Variants in PPP1R1C observed in about 807,000 individuals in gnomAD.
The protein encoded by PPP1R1C is protein phosphatase 1 regulatory subunit 1C.
PPP1R1C carries 15 observed loss-of-function variants against 17.4 expected under a neutral mutation model. The ratio of observed to expected loss-of-function variants is 0.86; its 90% CI spans 0.58 to 1.33. The LOEUF (loss-of-function observed/expected upper bound fraction) is 1.33. Among genes scored for constraint, PPP1R1C ranks in the 40% most tolerant of loss-of-function variants. PPP1R1C has a pLI of 0.00. For missense variants in PPP1R1C, 143 were observed against 130.0 expected (o/e 1.10, Z -0.48); for synonymous variants, 35 against 43.1 (o/e 0.81, Z 0.73).
chr2:182,053,214 A>C (rs185808504), intron 2 of PPP1R1C, among the ~76,000 whole-genome samples: 2 of 152,318 alleles, frequency 1.3e-5, no homozygotes, highest in East Asian at 3.9e-4. Context: ...TCCATCTTCC[A>C]TTCTGTTTGA....
chr2:182,088,540 G>A (rs929686742), intron 4 of PPP1R1C, among the ~76,000 whole-genome samples: 2 of 152,168 alleles, frequency 1.3e-5, no homozygotes, highest in Non-Finnish European at 2.9e-5. Context: ...TTTGTGGGTA[G>A]CAGTCAAGGC....
intron 4 of PPP1R1C, among the ~76,000 whole-genome samples, chr2:182,096,474 T>G (rs991568989): frequency 2.6e-5 from 4 of 152,154 alleles, no homozygotes; most frequent in Admixed American, 2.6e-4. Flanking sequence ...CCCTTAGAAA[T>G]AGATCAAATT....
At chr2:182,023,473 C>T in intron 2 of PPP1R1C, among the ~76,000 whole-genome samples, 1 of 151,892 alleles carries the variant, frequency 6.6e-6, no homozygotes, top group East Asian at 1.9e-4. Flanking sequence ...TGGTGTCACC[C>T]TTGGCAACTG....
Position 181,992,340 on chromosome 2 carries a change from G to C in PPP1R1C, c.142+4441G>C, listed in dbSNP as rs377373991. 3.7e-5 allele frequency among the ~76,000 whole-genome samples: 5 copies of C among 134,612 alleles called. No individual in the cohort carries two copies. In the East Asian group the frequency reaches 8.0e-4, roughly 22 times the overall value. 88.3% of individuals were successfully genotyped at this position (134,612 alleles called of 152,430 possible). On this transcript the variant is annotated intron_variant, in intron 2 of 4. Coordinates refer to ENST00000682840, the MANE Select transcript of PPP1R1C (RefSeq NM_001080545.3). ...CACCTTTTAAAAAATATGAATGAAT[G>C]ATTATTTTCTTTTATTCTCAATCTC...
intron 1 of PPP1R1C, among the ~76,000 whole-genome samples, chr2:181,964,540 C>T (rs1684871292): frequency 1.3e-5 from 2 of 152,226 alleles, no homozygotes; most frequent in South Asian, 4.2e-4. Context: ...TAAGGAACCT[C>T]CATACTATTC....
intron 4 of PPP1R1C, among the ~76,000 whole-genome samples, chr2:182,076,008 T>A (rs1688286695): frequency 6.6e-6 from 1 of 151,936 alleles, no homozygotes; most frequent in East Asian, 1.9e-4. Context: ...ATGCTTTTTT[T>A]AGTATATGCT....
intron 1 of PPP1R1C, among the ~76,000 whole-genome samples, chr2:181,963,722 T>C (rs2125131436): frequency 6.6e-6 from 1 of 151,490 alleles, no homozygotes; most frequent in African/African-American, 2.4e-5. Flanking sequence ...AGAGTTCCCA[T>C]GTTGAAAGTG....
At chr2:181,970,056 A>T (rs561903621) in intron 1 of PPP1R1C, among the ~76,000 whole-genome samples, 1 of 151,920 alleles carries the variant, frequency 6.6e-6, no homozygotes, top group Non-Finnish European at 1.5e-5. Flanking sequence ...AGCTATTTTG[A>T]ATTCTCTGTC....
intron 2 of PPP1R1C, among the ~76,000 whole-genome samples, chr2:181,980,790 G>A (rs1685178059): frequency 6.6e-6 from 1 of 152,196 alleles, no homozygotes; most frequent in Non-Finnish European, 1.5e-5. Flanking sequence ...TACTGAGTAT[G>A]TAACACACTA....
At chr2:182,101,792 T>C (rs910714805) in intron 4 of PPP1R1C, among the ~76,000 whole-genome samples, 4 of 152,214 alleles carry the variant, frequency 2.6e-5, no homozygotes, top group Non-Finnish European at 5.9e-5. Context: ...GCTTCTGTGC[T>C]GAGAAAAGCA....
chr2:181,994,980 GTGAACGATTCAAAGTCAAT>G, intron 2 of PPP1R1C, among the ~76,000 whole-genome samples: 1 of 152,182 alleles, frequency 6.6e-6, no homozygotes, highest in Admixed American at 6.5e-5. Context: ...TTAAATGCCT[GTGAACGATTCAAAGTCAAT>G]CCTTCAACCT....
intron 4 of PPP1R1C, among the ~76,000 whole-genome samples, chr2:182,087,161 T>C (rs1688652065): frequency 6.6e-6 from 1 of 152,260 alleles, no homozygotes; most frequent in South Asian, 2.1e-4. Flanking sequence ...TCACCTGGAC[T>C]ACTGCAGTAA....
chr2:182,123,584 T>A (rs930765670), intron 5 of PPP1R1C, among the ~76,000 whole-genome samples: 6 of 152,252 alleles, frequency 3.9e-5, no homozygotes, highest in African/African-American at 1.4e-4. Context: ...GGTTTTGATT[T>A]GCATTTCTCT....
At chr2:182,096,262 G>A (rs902513333) in intron 4 of PPP1R1C, among the ~76,000 whole-genome samples, 18 of 152,236 alleles carry the variant, frequency 1.2e-4, no homozygotes, top group African/African-American at 3.9e-4. Flanking sequence ...TTGGCTTCTG[G>A]GTACAGGGTG....
At chr2:182,024,013 G>A (rs1686514082) in intron 2 of PPP1R1C, 1 of 152,062 alleles carries the variant, frequency 6.6e-6, no homozygotes, top group African/African-American at 2.4e-5. Flanking sequence ...CTAAATTACA[G>A]AATATGGTAG....
chr2:182,112,001 T>C (rs1689452719), intron 4 of PPP1R1C, among the ~76,000 whole-genome samples: 1 of 152,168 alleles, frequency 6.6e-6, no homozygotes. Flanking sequence ...CAAATTACTA[T>C]CCATTGACTC....
intron 4 of PPP1R1C, among the ~76,000 whole-genome samples, chr2:182,112,294 A>G (rs1319878062): frequency 1.3e-5 from 2 of 152,070 alleles, no homozygotes; most frequent in Non-Finnish European, 2.9e-5. Context: ...AACTGATCTA[A>G]ATGCTATTTC....
chr2:182,094,744 G>A (rs919221051), intron 4 of PPP1R1C, among the ~76,000 whole-genome samples: 3 of 152,190 alleles, frequency 2.0e-5, no homozygotes, highest in South Asian at 2.1e-4. Flanking sequence ...CAGACCTTGC[G>A]ATGACCTTGA....
chr2:182,075,808 T>G (rs1173854716), intron 4 of PPP1R1C, among the ~76,000 whole-genome samples: 1 of 151,838 alleles, frequency 6.6e-6, no homozygotes, highest in East Asian at 1.9e-4. Context: ...CTTCAAATTT[T>G]GGAGTTTCCT....
Sources: gnomAD v4.1 joint callset for allele counts (sites outside exome capture counted in the v4.1 genomes callset) on GRCh38, gnomAD v4.1.1 for gene constraint, MANE v1.5 for transcripts, NCBI Gene and HGNC (gene_info 2026-07-23, HGNC 2026-07-21) for gene names.